The following USP24 variants were observed in gnomAD, a reference collection of about 807,000 sequenced individuals.
USP24 encodes the protein ubiquitin specific peptidase 24.
Under a neutral mutation model 361.6 loss-of-function variants are expected in USP24, and 97 were observed. The ratio of observed to expected loss-of-function variants is 0.27; its 90% CI spans 0.23 to 0.32. USP24 has a LOEUF of 0.32. Among genes scored for constraint, USP24 ranks in the 10% least tolerant of loss-of-function variants. The probability of loss-of-function intolerance (pLI) is 1.00; values close to 1 mark genes in which losing one functional copy is unlikely to be tolerated. For synonymous variants in USP24, 1,098 were observed against 1,124.6 expected (o/e 0.98, Z 0.47); for missense variants, 2,353 against 3,165.6 (o/e 0.74, Z 6.16).
At chr1:55,125,254 C>A (rs1246829757) in intron 34 of USP24, 66 bp downstream of exon 34, 18 of 1,489,510 alleles carry the variant, frequency 1.2e-5, no homozygotes, top group Non-Finnish European at 1.7e-5. Context: ...CCCCATAGCA[C>A]CTCTTCCTAA....
At chr1:55,154,344 C>G in intron 14 of USP24, 27 bp downstream of exon 14, 1 of 1,557,096 alleles carries the variant, frequency 6.4e-7, no homozygotes, top group Non-Finnish European at 8.7e-7. Context: ...GCATTTGTAG[C>G]TAGAAAAATC....
At chr1:55,182,719 CTTTT>C (rs1285641420) in intron 1 of USP24, among the ~76,000 whole-genome samples, 1 of 151,910 alleles carries the variant, frequency 6.6e-6, no homozygotes, top group Admixed American at 6.6e-5. Context: ...GAAAAACAGT[CTTTT>C]ATTTTTTTTG....
At chr1:55,199,612 T>TGAGAGA (rs1273622860) in intron 1 of USP24, among the ~76,000 whole-genome samples, 10 of 147,450 alleles carry the variant, frequency 6.8e-5, no homozygotes, top group African/African-American at 2.6e-4. Context: ...TGTGTGTGTG[T>TGAGAGA]GTGTGTGTGT....
chr1:55,165,991 T>C, intron 6 of USP24, 41 bp from the exon 7 acceptor site: 1 of 1,563,952 alleles, frequency 6.4e-7, no homozygotes, highest in Non-Finnish European at 8.7e-7. Flanking sequence ...TTTTTCTCTT[T>C]AATTTTTTTA....
intron 16 of USP24, among the ~76,000 whole-genome samples, chr1:55,148,793 G>T (rs1174935134): frequency 6.6e-6 from 1 of 152,170 alleles, no homozygotes; most frequent in Non-Finnish European, 1.5e-5. Flanking sequence ...AACAGGAGTG[G>T]ATGTGAAGTG....
intron 21 of USP24, 87 bp downstream of exon 21, chr1:55,144,040 C>T: frequency 3.6e-6 from 4 of 1,105,082 alleles, no homozygotes; most frequent in Non-Finnish European, 3.8e-6. Context: ...TCCATGTTAT[C>T]TCTCAATTAT....
chr1:55,202,685 G>C (rs1043334066), intron 1 of USP24, among the ~76,000 whole-genome samples: 1 of 152,138 alleles, frequency 6.6e-6, no homozygotes, highest in African/African-American at 2.4e-5. Flanking sequence ...GATTACAGGC[G>C]TGAGCCACCA....
chr1:55,177,810 T>G (rs913744284), intron 2 of USP24, among the ~76,000 whole-genome samples, 157 bp downstream of exon 2: 2 of 152,322 alleles, frequency 1.3e-5, no homozygotes, highest in African/African-American at 4.8e-5. Flanking sequence ...AACAATTAAT[T>G]TGGTTCAAAG....
intron 7 of USP24, among the ~76,000 whole-genome samples, chr1:55,164,796 C>G (rs1026979887): frequency 6.6e-6 from 1 of 151,722 alleles, no homozygotes; most frequent in African/African-American, 2.4e-5. Context: ...TTTGGGAGTG[C>G]TCTGTATTTT....
intron 13 of USP24, 45 bp downstream of exon 13, chr1:55,154,626 A>G (rs747484840): frequency 6.4e-6 from 10 of 1,574,434 alleles, no homozygotes; most frequent in Non-Finnish European, 8.7e-6. Context: ...AAAAGAGCTT[A>G]TTTTAAGAAA....
chr1:55,092,748 C>G (rs1645410169), intron 53 of USP24, 73 bp downstream of exon 53: 2 of 1,120,666 alleles, frequency 1.8e-6, no homozygotes, highest in African/African-American at 3.3e-5. Context: ...GAGGATGAAT[C>G]ACTGAATGCT....
intron 36 of USP24, among the ~76,000 whole-genome samples, chr1:55,122,891 C>A (rs1216655034): frequency 6.6e-6 from 1 of 151,972 alleles, no homozygotes; most frequent in African/African-American, 2.4e-5. Flanking sequence ...TGGTACAGGC[C>A]ATAGACCCAA....
At chr1:55,146,187 G>A in intron 19 of USP24, 78 bp from the exon 20 acceptor site, 1 of 1,034,166 alleles carries the variant, frequency 9.7e-7, no homozygotes, top group Non-Finnish European at 1.5e-6. Flanking sequence ...GAAAAGTAAA[G>A]ATACATTTTA....
intron 31 of USP24, among the ~76,000 whole-genome samples, chr1:55,131,772 T>A (rs138431572): frequency 6.6e-6 from 1 of 152,210 alleles, no homozygotes; most frequent in Non-Finnish European, 1.5e-5. Context: ...TTAAGATACA[T>A]GATATAATAA....
intron 24 of USP24, among the ~76,000 whole-genome samples, chr1:55,140,132 G>C (rs1646846675): frequency 6.6e-6 from 1 of 151,876 alleles, no homozygotes; most frequent in Non-Finnish European, 1.5e-5. Flanking sequence ...ACCCTATTTA[G>C]AGTTTATAAT....
intron 54 of USP24, among the ~76,000 whole-genome samples, chr1:55,090,254 C>T (rs1355028814): frequency 2.0e-5 from 3 of 152,078 alleles, no homozygotes; most frequent in Non-Finnish European, 4.4e-5. Flanking sequence ...ACCTCCCTTA[C>T]ATCCCCCAAT....
chr1:55,081,148 C>G (rs1269749579), intron 59 of USP24, among the ~76,000 whole-genome samples, 174 bp downstream of exon 59: 2 of 152,038 alleles, frequency 1.3e-5, no homozygotes, highest in African/African-American at 4.8e-5. Flanking sequence ...TCTCTTATGG[C>G]AAACTAGTAA....
chr1:55,175,452 T>G (rs1301198809), intron 3 of USP24, among the ~76,000 whole-genome samples: 1 of 152,130 alleles, frequency 6.6e-6, no homozygotes, highest in East Asian at 1.9e-4. Context: ...GGTCTTGAAC[T>G]CCTAACCTTG....
chr1:55,177,778 T>C (rs957815550), intron 2 of USP24, among the ~76,000 whole-genome samples, 189 bp downstream of exon 2: 1 of 152,220 alleles, frequency 6.6e-6, no homozygotes, highest in East Asian at 1.9e-4. Context: ...AATAATCTTA[T>C]ACTCTATCAA....
Sources: allele counts gnomAD v4.1 joint callset (sites outside exome capture counted in the v4.1 genomes callset), GRCh38; gene constraint gnomAD v4.1.1; transcripts MANE v1.5; gene names NCBI Gene and HGNC (gene_info 2026-07-23, HGNC 2026-07-21).